The following USP47 variants were observed in gnomAD, a reference collection of about 807,000 sequenced individuals.
USP47 encodes the protein ubiquitin carboxyl-terminal hydrolase 47.
In USP47, 35 loss-of-function variants were observed where a neutral mutation model predicts 165.1. The observed-to-expected ratio is 0.21, with a 90% confidence interval of 0.16 to 0.28. The LOEUF (loss-of-function observed/expected upper bound fraction) is 0.28, where lower values mean the gene tolerates loss of function less well. USP47 is among the 10% of genes least tolerant of loss of function. USP47 has a pLI of 1.00. For missense variants in USP47, 1,277 were observed against 1,607.4 expected (o/e 0.79, Z 3.52); for synonymous variants, 531 against 544.5 (o/e 0.98, Z 0.35).
At chr11:11,925,761 G>T (rs764195052) in intron 11 of USP47, among the ~76,000 whole-genome samples, 33 of 151,904 alleles carry the variant, frequency 2.2e-4, no homozygotes, top group Admixed American at 1.3e-4. Context: ...GCTGTGGCTA[G>T]GACTTCCAGT....
intron 2 of USP47, among the ~76,000 whole-genome samples, chr11:11,883,894 T>A (rs1850991671): frequency 6.6e-6 from 1 of 152,174 alleles, no homozygotes; most frequent in Admixed American, 6.5e-5. Context: ...TTGAAATAGG[T>A]ATCATTTACT....
At chr11:11,872,082 G>C in intron 1 of USP47, among the ~76,000 whole-genome samples, 1 of 152,168 alleles carries the variant, frequency 6.6e-6, no homozygotes, top group East Asian at 1.9e-4. Context: ...GGTAAGGTTA[G>C]GCTGAAACAG....
chr11:11,958,772 C>T lies in USP47; in HGVS notation c.*2597C>T, dbSNP rs552651467. ...AAAAGCTGTGGTTTCAGGACCATGC[C>T]GTGTGTAGCTGATCTGTACGGGACG... On this transcript the variant is annotated 3_prime_UTR_variant, in exon 28 of 28. Transcript: ENST00000527733. 2.6e-5 allele frequency: 4 copies of T among 152,136 alleles called. No individual in the cohort carries two copies. Among genetic ancestry groups the T allele is most frequent in the Admixed American group, 1.3e-4 (2 of 15,260 alleles). The allele number at this position is 152,136 out of a possible 1,614,324, so 9.4% of individuals were successfully genotyped here.
chr11:11,853,277 A>G (rs1848829837), intron 1 of USP47, among the ~76,000 whole-genome samples: 1 of 152,366 alleles, frequency 6.6e-6, no homozygotes, highest in African/African-American at 2.4e-5. Flanking sequence ...ATCTACTTTT[A>G]GAACAAATTC....
intron 1 of USP47, among the ~76,000 whole-genome samples, chr11:11,869,410 T>G (rs1849889685): frequency 1.3e-5 from 2 of 152,142 alleles, no homozygotes; most frequent in Admixed American, 6.5e-5. Flanking sequence ...TTGTACCTAG[T>G]CAAAAATCAG....
intron 3 of USP47, 108 bp from the exon 4 acceptor site, chr11:11,891,860 G>C (rs1372682890): frequency 7.3e-7 from 1 of 1,362,964 alleles, no homozygotes; most frequent in Admixed American, 2.4e-5. Context: ...CACCTTTCCA[G>C]AGTGTTTTGT....
chr11:11,866,562 G>A (rs530847882), intron 1 of USP47, among the ~76,000 whole-genome samples: 1 of 152,236 alleles, frequency 6.6e-6, no homozygotes, highest in Admixed American at 6.5e-5. Context: ...GTAGAAATCA[G>A]GCATGTTTCA....
chr11:11,873,771 G>T, intron 1 of USP47: 1 of 1,258,476 alleles, frequency 7.9e-7, no homozygotes, highest in South Asian at 1.9e-5. Context: ...TAAATAATTT[G>T]TAATTCATTT....
intron 2 of USP47, among the ~76,000 whole-genome samples, chr11:11,881,315 C>T (rs72856363): frequency 6.6e-6 from 1 of 152,220 alleles, no homozygotes; most frequent in Non-Finnish European, 1.5e-5. Flanking sequence ...TGTGCTACCT[C>T]TCCGGTCACA....
chr11:11,948,403 G>A, intron 21 of USP47, 75 bp from the exon 22 acceptor site: 1 of 1,348,726 alleles, frequency 7.4e-7, no homozygotes, highest in Non-Finnish European at 1.1e-6. Flanking sequence ...ATTTTGGAAA[G>A]TTTAAAAATG....
intron 5 of USP47, among the ~76,000 whole-genome samples, chr11:11,900,306 G>T (rs1477288747): frequency 6.6e-6 from 1 of 151,718 alleles, no homozygotes; most frequent in Non-Finnish European, 1.5e-5. Flanking sequence ...GACTACAGGC[G>T]CCAGCCACCT....
chr11:11,903,124 G>A (rs1852333685), intron 6 of USP47, 139 bp from the exon 7 acceptor site: 1 of 831,022 alleles, frequency 1.2e-6, no homozygotes, highest in African/African-American at 1.7e-5. Context: ...TGACTGTCAT[G>A]TATATTCTTA....
Position 11,923,064 on chromosome 11 carries a change from A to G in USP47, c.1386+173A>G, listed in dbSNP as rs375632488. On this transcript the variant is annotated intron_variant, in intron 11 of 27. Coordinates refer to ENST00000527733, the MANE Select transcript of USP47 (RefSeq NM_001282659.2). ...TACATATATATATATATATATATAT[A>G]TATATATATATATATATATATGACT... is the stretch of plus-strand genomic sequence containing the variant. Among the ~76,000 whole-genome samples the G allele has an allele frequency of 5.2e-4, 65 of 125,610 alleles. 1 individual carries two copies. Among genetic ancestry groups the G allele is most frequent in the Non-Finnish European group, 7.9e-4 (50 of 63,302 alleles). 82.4% of individuals were successfully genotyped at this position (125,610 alleles called of 152,430 possible). A position where few individuals can be genotyped will look rare whatever the true frequency, so the allele number is the denominator to read the frequency against.
At position 11,923,041 on chromosome 11, in the gene USP47, C is replaced by CATACATAT. The variant is rs1176012772; in HGVS notation, c.1386+153_1386+154insCATATATA. The stretch of plus-strand genomic sequence containing the variant: ...ACTTCTCAAATATAGTTTTTTTGTA[C>CATACATAT]ATATATATATATATATATATATATA... On this transcript the variant is annotated intron_variant, in intron 11 of 27. Coordinates refer to ENST00000527733, the MANE Select transcript of USP47 (RefSeq NM_001282659.2). The CATACATAT allele has an allele frequency of 7.2e-5, 10 of 139,826 alleles. No individual in the cohort carries two copies. The East Asian group carries it at 1.6e-3, about 23-fold the overall frequency. 8.7% of individuals were successfully genotyped at this position (139,826 alleles called of 1,614,324 possible).
At chr11:11,907,193 G>T (rs1175154142) in intron 8 of USP47, among the ~76,000 whole-genome samples, 2 of 152,126 alleles carry the variant, frequency 1.3e-5, no homozygotes, top group African/African-American at 2.4e-5. Flanking sequence ...TACTTCTGGG[G>T]ATGTGAACAA....
intron 4 of USP47, among the ~76,000 whole-genome samples, chr11:11,894,908 CT>C (rs11359755): frequency 0.065 from 9,958 of 152,144 alleles, 1,036 homozygotes; most frequent in African/African-American, 0.23. Flanking sequence ...TTTATCTTAT[CT>C]TTCCTCTATA....
intron 18 of USP47, among the ~76,000 whole-genome samples, chr11:11,939,114 CAATG>C (rs1160966026): frequency 6.6e-6 from 1 of 151,868 alleles, no homozygotes; most frequent in African/African-American, 2.4e-5. Flanking sequence ...AAAAATATAA[CAATG>C]AAAACATTCA....
intron 1 of USP47, among the ~76,000 whole-genome samples, chr11:11,853,035 C>T (rs1461697419): frequency 6.6e-6 from 1 of 151,870 alleles, no homozygotes; most frequent in African/African-American, 2.4e-5. Context: ...TGCCTATCTT[C>T]TATTTTCTCT....
Position 11,922,712 on chromosome 11 carries a change from T to C in USP47, c.1219-12T>C. ...ATATGGTTTATAACTAAGATAATTA[T>C]GTCTTATTAAGAAATCTCCTCAGAC... On this transcript the variant is annotated splice_polypyrimidine_tract_variant and intron_variant, in intron 10 of 27. Transcript: ENST00000527733. 3 of 1,603,716 alleles carry C rather than the reference T, an allele frequency of 1.9e-6. No individual in the cohort carries two copies. The highest frequency in any genetic ancestry group is 1.7e-6 in the Non-Finnish European group (2 of 1,173,932).
Sources: gnomAD v4.1 joint callset for allele counts (sites outside exome capture counted in the v4.1 genomes callset) on GRCh38, gnomAD v4.1.1 for gene constraint, MANE v1.5 for transcripts, NCBI Gene and HGNC (gene_info 2026-07-23, HGNC 2026-07-21) for gene names.